Variants in ARVCF observed in about 807,000 individuals in gnomAD.
ARVCF encodes the protein ARVCF delta catenin family member.
A neutral mutation model predicts 90.9 loss-of-function variants in ARVCF; 66 were observed. The observed-to-expected ratio is 0.73, with a 90% confidence interval of 0.60 to 0.89. ARVCF has a LOEUF of 0.89. ARVCF is among the 40% of genes least tolerant of loss of function. ARVCF has a pLI of 0.00. For synonymous variants in ARVCF, 653 were observed against 603.4 expected (o/e 1.08, Z -1.21); for missense variants, 1,469 against 1,382.3 (o/e 1.06, Z -1.00).
rs1298275175 is a variant in ARVCF at position 19,976,734 on chromosome 22, G to A, written c.1871-11C>T. On this transcript the variant is annotated splice_polypyrimidine_tract_variant and intron_variant, in intron 9 of 19. Coordinates refer to ENST00000263207, the MANE Select transcript of ARVCF (RefSeq NM_001670.3). ...GGTGGAACCACTCCTCTGGGAGGCC[G>A]GAGGAAGCAGAGGAGAGAGGAGAGG... 27 of 1,559,908 alleles carry A rather than the reference G, an allele frequency of 1.7e-5. No homozygotes were observed. The East Asian group carries it at 2.4e-4, about 14-fold the overall frequency.
chr22:19,995,026 C>A (rs1944191712), intron 2 of ARVCF, among the ~76,000 whole-genome samples: 1 of 151,204 alleles, frequency 6.6e-6, no homozygotes, highest in Non-Finnish European at 1.5e-5. Flanking sequence ...GAAGGGTAGA[C>A]AGCTAGATGG....
At chr22:19,972,901 G>A in intron 15 of ARVCF, 24 bp downstream of exon 15, 2 of 1,613,852 alleles carry the variant, frequency 1.2e-6, no homozygotes, top group Non-Finnish European at 1.7e-6. Flanking sequence ...GCAGGGAATG[G>A]AAGGAAGGCC....
chr22:19,967,870 A>T (rs551201247), downstream of ARVCF, among the ~76,000 whole-genome samples: 5 of 152,234 alleles, frequency 3.3e-5, no homozygotes, highest in Non-Finnish European at 7.3e-5. Flanking sequence ...CAAGCATCCT[A>T]TGAGGTTTCT....
intron 17 of ARVCF, 35 bp downstream of exon 17, chr22:19,972,323 G>A (rs1226041892): frequency 6.2e-7 from 1 of 1,613,288 alleles, no homozygotes; most frequent in East Asian, 2.2e-5. Context: ...TCCCCTCCCG[G>A]CACAGAAAAC....
chr22:19,996,587 TACA>T (rs1046123713), intron 2 of ARVCF, among the ~76,000 whole-genome samples: 7 of 152,164 alleles, frequency 4.6e-5, no homozygotes, highest in African/African-American at 9.7e-5. Context: ...ATTTGTAACA[TACA>T]ACAACAAAGT....
At chr22:19,981,796 T>A in intron 4 of ARVCF, 59 bp from the exon 5 acceptor site, 2 of 1,548,852 alleles carry the variant, frequency 1.3e-6, no homozygotes, top group Non-Finnish European at 1.7e-6. Flanking sequence ...ACTGCTTTGC[T>A]GGGGTCTGGC....
At position 19,982,064 on chromosome 22, in the gene ARVCF, G is replaced by T; in HGVS notation, c.238C>A (p.Leu80Met). 5 of 1,612,472 alleles carry T rather than the reference G, an allele frequency of 3.1e-6. No individual in the cohort carries two copies. The highest frequency in any genetic ancestry group is 3.4e-6 in the Non-Finnish European group (4 of 1,179,964). Residue 80 changes from leucine (L) to methionine (M), a missense_variant, in exon 4 of 20, where the codon CTG becomes ATG. By Grantham distance (15) the Leu-to-Met change is conservative (BLOSUM62 2). Coordinates refer to ENST00000263207, the MANE Select transcript of ARVCF (RefSeq NM_001670.3). ...TCAGGTGCCTCCGGCATCGTGGCCAGTGAGGCCTGGCTGCCTGGGCTCTGC... is the reference window on the plus strand; with the variant it reads ...TCAGGTGCCTCCGGCATCGTGGCCATTGAGGCCTGGCTGCCTGGGCTCTGC... ...QEQSPGSQAS[L>M]ATMPEAPDVL...
rs1601568367 is a variant in ARVCF, at chr22:19,972,727, C to T, written c.2641+10G>A. On this transcript the variant is annotated intron_variant, in intron 16 of 19. Coordinates refer to ENST00000263207, the MANE Select transcript of ARVCF (RefSeq NM_001670.3). ...GCCACCCTCTAGGCTCCCTAAGCTC[C>T]ACCACTCACCAAGGCTCTTGTCCAC... The T allele has an allele frequency of 1.2e-6, 2 of 1,603,122 alleles. No homozygotes were observed. Among genetic ancestry groups the T allele is most frequent in the Middle Eastern group, 1.7e-4 (1 of 5,990 alleles).
At position 19,971,257 on chromosome 22, in the gene ARVCF, T is replaced by C. The variant is rs776843486; in HGVS notation, c.2860A>G (p.Lys954Glu). ...VRLVDAVGDA[K>E]PQPVDSWV ...ACCCAGGAATCAACGGGCTGAGGCT[T>C]AGCGTCCCCTACGGCGTCCACCAGC... The change falls in exon 19 of 20, where the codon AAG (lysine) becomes GAG (glutamate). Residue 954 changes from lysine (K) to glutamate (E), a missense_variant. By Grantham distance (56) the Lys-to-Glu change is moderately conservative. Transcript: ENST00000263207. 48 of 1,555,862 alleles carry C rather than the reference T, an allele frequency of 3.1e-5. No homozygotes were observed. The South Asian group carries it at 5.2e-4, about 17-fold the overall frequency.
chr22:19,981,442 G>C lies in ARVCF; in HGVS notation c.665C>G (p.Pro222Arg). The stretch of plus-strand genomic sequence containing the variant: ...AGGCAGTGTGAAGCAGCCATCACCA[G>C]GGCCTGGGCCAAGGGGGCCAGCACG... ...PPRAGPLGPG[P>R]GDGCFTLPGH... The change falls in exon 5 of 20, where the codon CCT (proline) becomes CGT (arginine). Residue 222 changes from proline to arginine, a missense_variant. By Grantham distance (103) the Pro-to-Arg change is moderately radical. Coordinates refer to ENST00000263207, the MANE Select transcript of ARVCF (RefSeq NM_001670.3). 6.4e-7 allele frequency: 1 copy of C among 1,559,848 alleles called. No individual in the cohort carries two copies. Among genetic ancestry groups the C allele is most frequent in the Non-Finnish European group, 8.7e-7 (1 of 1,154,288 alleles).
At chr22:19,976,747 G>C in intron 9 of ARVCF, 24 bp from the exon 10 acceptor site, 1 of 1,557,954 alleles carries the variant, frequency 6.4e-7, no homozygotes, top group East Asian at 2.4e-5. Flanking sequence ...GGAAGCAGAG[G>C]AGAGAGGAGA....
At chr22:20,006,692 C>T (rs1455569671) in intron 2 of ARVCF, among the ~76,000 whole-genome samples, 2 of 150,932 alleles carry the variant, frequency 1.3e-5, no homozygotes, top group Non-Finnish European at 3.0e-5. Flanking sequence ...AGTGCAGTGG[C>T]GCGATCTCGG....
chr22:20,010,682 C>A (rs1183386225), intron 1 of ARVCF, among the ~76,000 whole-genome samples, 174 bp from the exon 2 acceptor site: 1 of 152,196 alleles, frequency 6.6e-6, no homozygotes, highest in East Asian at 1.9e-4. Context: ...CCTTCTTGCC[C>A]CCACATGTCC....
intron 2 of ARVCF, among the ~76,000 whole-genome samples, chr22:20,010,184 CA>C (rs1944775168): frequency 6.6e-6 from 1 of 152,210 alleles, no homozygotes; most frequent in Non-Finnish European, 1.5e-5. Context: ...CCTCGTCAGC[CA>C]GCCCCAAACA....
chr22:19,968,433 A>T, downstream of ARVCF: 1 of 1,129,252 alleles, frequency 8.9e-7, no homozygotes, highest in Non-Finnish European at 1.3e-6. Context: ...GGCTAGGCAC[A>T]GGCGTGGTGC....
intron 6 of ARVCF, chr22:19,979,501 G>A (rs1026849105): frequency 6.5e-6 from 4 of 619,342 alleles, no homozygotes; most frequent in Non-Finnish European, 1.1e-5. Flanking sequence ...TGTGAAGGCA[G>A]GAGGTGAGGG....
intron 2 of ARVCF, among the ~76,000 whole-genome samples, chr22:19,992,354 G>A (rs911877616): frequency 9.8e-5 from 15 of 152,314 alleles, no homozygotes; most frequent in African/African-American, 3.4e-4. Context: ...GCCGCCGCCC[G>A]AGACTGAGGT....
downstream of ARVCF, among the ~76,000 whole-genome samples, chr22:19,966,784 G>A (rs12158230): frequency 0.019 from 2,812 of 151,972 alleles, 92 homozygotes; most frequent in African/African-American, 0.063. Flanking sequence ...TCGCTCTGTC[G>A]CCCAGGCTGG....
intron 2 of ARVCF, among the ~76,000 whole-genome samples, chr22:20,004,497 G>A (rs1483179559): frequency 6.1e-5 from 9 of 148,242 alleles, no homozygotes; most frequent in African/African-American, 2.5e-5. Context: ...AAAAAAAAAA[G>A]AAAAGAAAAA....
Sources: allele counts gnomAD v4.1 joint callset (sites outside exome capture counted in the v4.1 genomes callset), GRCh38; gene constraint gnomAD v4.1.1; transcripts MANE v1.5; gene names NCBI Gene and HGNC (gene_info 2026-07-23, HGNC 2026-07-21).